The following SRPK1 variants were observed in gnomAD, a reference collection of about 807,000 sequenced individuals.
The protein encoded by SRPK1 is SRSF protein kinase 1, also known as SFRS protein kinase 1.
In SRPK1, 52 loss-of-function variants were observed where a neutral mutation model predicts 89.5. The ratio of observed to expected loss-of-function variants is 0.58; its 90% CI spans 0.46 to 0.73. The LOEUF is 0.73. Ranked by LOEUF, SRPK1 falls within the 30% of genes least tolerant of loss-of-function variation. The pLI, the probability that SRPK1 is intolerant of heterozygous loss-of-function variation, is 0.00. For synonymous variants in SRPK1, 255 were observed against 270.2 expected (o/e 0.94, Z 0.55); for missense variants, 603 against 780.6 (o/e 0.77, Z 2.71).
chr6:35,918,792 T>C (rs927976645), intron 2 of SRPK1, among the ~76,000 whole-genome samples: 3 of 152,214 alleles, frequency 2.0e-5, no homozygotes, highest in African/African-American at 4.8e-5. Flanking sequence ...ATAAAGCATA[T>C]GGTCTAAATA....
chr6:35,890,114 C>T (rs1770488745), intron 3 of SRPK1, among the ~76,000 whole-genome samples: 1 of 151,666 alleles, frequency 6.6e-6, no homozygotes, highest in African/African-American at 2.4e-5. Flanking sequence ...GCCTCAAAAA[C>T]AAAAAAACAA....
In SRPK1 at chr6:35,915,109, C is replaced by T. The variant is rs138158722; in HGVS notation, c.74+5359G>A. On this transcript the variant is annotated intron_variant, in intron 2 of 15. Coordinates refer to ENST00000373825, the MANE Select transcript of SRPK1 (RefSeq NM_003137.5). ...CTGTGCCCGGCCAAACCTGTTAAAT[C>T]TTGCTGGAGGAAGGCCGGGTATGGC... is the stretch of plus-strand genomic sequence containing the variant. Among the ~76,000 whole-genome samples the T allele has an allele frequency of 4.9e-3, 738 of 152,104 alleles. 5 individuals carry two copies. Among genetic ancestry groups the T allele is most frequent in the African/African-American group, 0.017 (696 of 41,542 alleles).
At chr6:35,896,792 C>T (rs532782536) in intron 2 of SRPK1, among the ~76,000 whole-genome samples, 2 of 152,168 alleles carry the variant, frequency 1.3e-5, no homozygotes, top group South Asian at 4.1e-4. Flanking sequence ...ACAAATACAA[C>T]ATTATTCATA....
intron 14 of SRPK1, 30 bp downstream of exon 14, chr6:35,842,505 G>A (rs552910591): frequency 1.9e-5 from 29 of 1,559,528 alleles, no homozygotes; most frequent in Admixed American, 1.2e-4. Flanking sequence ...TAAATACCAC[G>A]CACACACATC....
At chr6:35,914,270 C>T (rs115326818) in intron 2 of SRPK1, among the ~76,000 whole-genome samples, 1,855 of 152,176 alleles carry the variant, frequency 0.012, 35 homozygotes, top group African/African-American at 0.043. Context: ...AGTCACCAGA[C>T]CTGGCTAGGA....
At chr6:35,864,383 G>A (rs966607411) in intron 12 of SRPK1, among the ~76,000 whole-genome samples, 2 of 151,966 alleles carry the variant, frequency 1.3e-5, no homozygotes, top group Admixed American at 6.6e-5. Flanking sequence ...CAAAAAATGG[G>A]CCAAAGATTT....
chr6:35,837,883 T>G lies in SRPK1; in HGVS notation c.1783+454A>C, dbSNP rs1277991517. ...CCAGTCTCTGCTTTTTTTTTTTTTT[T>G]GTGAGACAGAGTTTCACTCTTGTTG... On this transcript the variant is annotated intron_variant, in intron 15 of 15. Coordinates refer to ENST00000373825, the MANE Select transcript of SRPK1 (RefSeq NM_003137.5). 8.6e-5 allele frequency among the ~76,000 whole-genome samples: 13 copies of G among 151,566 alleles called. No homozygotes were observed. The East Asian group carries it at 2.1e-3, about 25-fold the overall frequency.
At chr6:35,906,157 A>G (rs1770843502) in intron 2 of SRPK1, among the ~76,000 whole-genome samples, 1 of 152,226 alleles carries the variant, frequency 6.6e-6, no homozygotes, top group Non-Finnish European at 1.5e-5. Flanking sequence ...ATACCATGAA[A>G]AAAAACTCCA....
chr6:35,836,748 C>T (rs1769187077), intron 15 of SRPK1, among the ~76,000 whole-genome samples: 1 of 132,182 alleles, frequency 7.6e-6, no homozygotes, highest in African/African-American at 3.1e-5. Flanking sequence ...GAGTGATACC[C>T]TGTCTCAATA....
At chr6:35,838,666 G>A in intron 14 of SRPK1, 1 of 1,515,090 alleles carries the variant, frequency 6.6e-7, no homozygotes, top group Non-Finnish European at 8.9e-7. Flanking sequence ...TGAATGCTCT[G>A]CTTCCTGAAG....
At chr6:35,848,296 C>T (rs1365765181) in intron 13 of SRPK1, among the ~76,000 whole-genome samples, 1 of 152,180 alleles carries the variant, frequency 6.6e-6, no homozygotes, top group Non-Finnish European at 1.5e-5. Flanking sequence ...GTGGCTCACG[C>T]CTGTAATCCC....
chr6:35,865,121 C>T (rs1769865998), intron 12 of SRPK1, among the ~76,000 whole-genome samples: 1 of 152,096 alleles, frequency 6.6e-6, no homozygotes, highest in Admixed American at 6.5e-5. Context: ...TCTACTCTTT[C>T]ATAGCACAAC....
chr6:35,855,003 T>C (rs572606036), intron 13 of SRPK1, among the ~76,000 whole-genome samples: 1 of 152,244 alleles, frequency 6.6e-6, no homozygotes, highest in Admixed American at 6.5e-5. Flanking sequence ...TCACCAGCTT[T>C]ACAGACCAAT....
intron 6 of SRPK1, among the ~76,000 whole-genome samples, chr6:35,884,082 A>C (rs1427524336): frequency 6.6e-6 from 1 of 152,138 alleles, no homozygotes; most frequent in Non-Finnish European, 1.5e-5. Context: ...GTGTAAAGAA[A>C]ATAACAAAAG....
intron 7 of SRPK1, 136 bp downstream of exon 7, chr6:35,874,097 G>A: frequency 1.5e-6 from 1 of 648,394 alleles, no homozygotes; most frequent in South Asian, 1.9e-5. Context: ...AAAGTGCTGG[G>A]ATTACAGGAA....
chr6:35,897,059 G>T (rs1340577667), intron 2 of SRPK1, among the ~76,000 whole-genome samples: 1 of 152,210 alleles, frequency 6.6e-6, no homozygotes, highest in African/African-American at 2.4e-5. Flanking sequence ...TCTGAGTAAA[G>T]CGAGTAATGG....
intron 13 of SRPK1, among the ~76,000 whole-genome samples, chr6:35,846,748 G>GA (rs1769434970): frequency 6.6e-6 from 1 of 152,028 alleles, no homozygotes. Flanking sequence ...TGAAGAAATA[G>GA]AAACAAGAGA....
At chr6:35,874,010 G>A (rs1452445637) in intron 7 of SRPK1, among the ~76,000 whole-genome samples, 1 of 149,938 alleles carries the variant, frequency 6.7e-6, no homozygotes, top group Non-Finnish European at 1.5e-5. Context: ...TGTATTTTGA[G>A]TAGAGAGGAG....
chr6:35,850,104 G>A (rs144616505), intron 13 of SRPK1, among the ~76,000 whole-genome samples: 212 of 152,134 alleles, frequency 1.4e-3, no homozygotes, highest in African/African-American at 4.7e-3. Context: ...AGAAAAAAAA[G>A]GGAAAAAGGA....
Sources: allele counts gnomAD v4.1 joint callset (sites outside exome capture counted in the v4.1 genomes callset), GRCh38; gene constraint gnomAD v4.1.1; transcripts MANE v1.5; gene names NCBI Gene and HGNC (gene_info 2026-07-23, HGNC 2026-07-21).